Variants in MAPK10 observed in about 807,000 individuals in gnomAD.
MAPK10 encodes the protein JNK3 alpha protein kinase.
A neutral mutation model predicts 59.3 loss-of-function variants in MAPK10; 25 were observed. The observed-to-expected ratio is 0.42, with a 90% CI of 0.31 to 0.59. The LOEUF is 0.59. Among genes scored for constraint, MAPK10 ranks in the 20% least tolerant of loss-of-function variants. The pLI is 0.15. For missense variants in MAPK10, 351 were observed against 568.9 expected (o/e 0.62, Z 3.90); for synonymous variants, 190 against 200.5 (o/e 0.95, Z 0.44).
At chr4:86,337,655 A>C (rs1231436653) in intron 2 of MAPK10, among the ~76,000 whole-genome samples, 3 of 152,180 alleles carry the variant, frequency 2.0e-5, no homozygotes, top group African/African-American at 7.2e-5. Context: ...CTGGATCAAG[A>C]GCTGGAGTAG....
intron 1 of MAPK10, among the ~76,000 whole-genome samples, chr4:86,547,820 T>C (rs1759359620): frequency 6.6e-6 from 1 of 152,198 alleles, no homozygotes; most frequent in Admixed American, 6.5e-5. Context: ...CAGCACCCTG[T>C]GTCTAGCTCA....
At chr4:86,189,893 T>C (rs1480442019) in intron 3 of MAPK10, among the ~76,000 whole-genome samples, 1 of 152,178 alleles carries the variant, frequency 6.6e-6, no homozygotes, top group Non-Finnish European at 1.5e-5. Context: ...CTGTCATAAA[T>C]AGCTCTTATT....
chr4:86,184,965 T>C (rs2077826199), intron 3 of MAPK10, among the ~76,000 whole-genome samples: 1 of 152,162 alleles, frequency 6.6e-6, no homozygotes. Context: ...ACGATTCCAA[T>C]GGTGTGCTGG....
At chr4:86,096,895 CAG>C (rs1235538636) in intron 9 of MAPK10, among the ~76,000 whole-genome samples, 1 of 151,884 alleles carries the variant, frequency 6.6e-6, no homozygotes, top group African/African-American at 2.4e-5. Context: ...ATGGAGCAAA[CAG>C]AGATTCAAGA....
chr4:86,500,021 T>C (rs1409909533), intron 1 of MAPK10, among the ~76,000 whole-genome samples: 1 of 152,202 alleles, frequency 6.6e-6, no homozygotes, highest in Admixed American at 6.5e-5. Flanking sequence ...AAGCCTCTCT[T>C]AAGCCTTCCT....
At chr4:86,507,615 GATATATATATATATATATAT>G (rs767683551) in intron 1 of MAPK10, among the ~76,000 whole-genome samples, 378 of 35,648 alleles carry the variant, frequency 0.011, 11 homozygotes, top group African/African-American at 0.016. Context: ...ATAAACTGGA[GATATATATATATATATATAT>G]ATATATATAT....
At chr4:86,279,627 A>G (rs1450478968) in intron 2 of MAPK10, among the ~76,000 whole-genome samples, 1 of 152,200 alleles carries the variant, frequency 6.6e-6, no homozygotes, top group East Asian at 1.9e-4. Context: ...TCAGAAACAA[A>G]GTGGGACAGC....
At chr4:86,206,430 T>G (rs1172975785) in intron 2 of MAPK10, among the ~76,000 whole-genome samples, 1 of 152,092 alleles carries the variant, frequency 6.6e-6, no homozygotes, top group Non-Finnish European at 1.5e-5. Context: ...CACATTTTCT[T>G]AATCCAGTCT....
chr4:86,027,922 A>G (rs528778247), intron 13 of MAPK10: 8 of 152,366 alleles, frequency 5.3e-5, no homozygotes, highest in Middle Eastern at 3.4e-3. Context: ...AAATGAAGTA[A>G]TGATAACTTG....
intron 2 of MAPK10, among the ~76,000 whole-genome samples, chr4:86,207,792 T>G (rs2084548888): frequency 6.6e-6 from 1 of 152,166 alleles, no homozygotes; most frequent in Non-Finnish European, 1.5e-5. Context: ...CCTAGGTCTT[T>G]TATTCTCTTT....
At chr4:86,396,740 G>A (rs1742997752) in intron 1 of MAPK10, among the ~76,000 whole-genome samples, 1 of 152,110 alleles carries the variant, frequency 6.6e-6, no homozygotes, top group East Asian at 1.9e-4. Context: ...GGAGCAAGGG[G>A]TGGGGGGTGC....
intron 1 of MAPK10, among the ~76,000 whole-genome samples, chr4:86,479,041 T>A (rs1753356524): frequency 6.6e-6 from 1 of 152,072 alleles, no homozygotes; most frequent in African/African-American, 2.4e-5. Context: ...ATGCCCTGAG[T>A]CAGGAAACTA....
chr4:86,583,738 T>C (rs1351909215), intron 1 of MAPK10, among the ~76,000 whole-genome samples: 5 of 152,198 alleles, frequency 3.3e-5, no homozygotes, highest in East Asian at 3.9e-4. Context: ...CTCTGTTACT[T>C]GGGGCCAATA....
intron 1 of MAPK10, among the ~76,000 whole-genome samples, chr4:86,479,944 C>T (rs570205006): frequency 7.6e-4 from 115 of 152,120 alleles, no homozygotes; most frequent in East Asian, 7.7e-4. Context: ...TAATCCTGCT[C>T]GAAGCATCCC....
intron 1 of MAPK10, among the ~76,000 whole-genome samples, chr4:86,385,265 A>C (rs913118725): frequency 2.0e-5 from 3 of 152,172 alleles, no homozygotes; most frequent in African/African-American, 7.2e-5. Context: ...CTTGTTATTC[A>C]ACTATTTTAG....
At chr4:86,391,382 C>T (rs1291194125) in intron 1 of MAPK10, among the ~76,000 whole-genome samples, 1 of 152,136 alleles carries the variant, frequency 6.6e-6, no homozygotes, top group South Asian at 2.1e-4. Flanking sequence ...TGTGGTCATA[C>T]AAGTCAGAGT....
At chr4:86,339,053 T>C (rs1204103196) in intron 2 of MAPK10, among the ~76,000 whole-genome samples, 1 of 152,174 alleles carries the variant, frequency 6.6e-6, no homozygotes, top group African/African-American at 2.4e-5. Context: ...TCTGTTTGAC[T>C]TGAAAGCAGA....
At chr4:86,035,216 C>T (rs1397935236) in intron 11 of MAPK10, among the ~76,000 whole-genome samples, 1 of 151,318 alleles carries the variant, frequency 6.6e-6, no homozygotes, top group Non-Finnish European at 1.5e-5. Context: ...ACTAAAAATA[C>T]AAAAATTAGC....
intron 2 of MAPK10, among the ~76,000 whole-genome samples, chr4:86,350,046 TATC>T (rs1730370034): frequency 6.6e-6 from 1 of 152,008 alleles, no homozygotes; most frequent in African/African-American, 2.4e-5. Flanking sequence ...GAGTATGACA[TATC>T]ATTTTTTGTT....
Sources: gnomAD v4.1 joint callset for allele counts (sites outside exome capture counted in the v4.1 genomes callset) on GRCh38, gnomAD v4.1.1 for gene constraint, MANE v1.5 for transcripts, NCBI Gene and HGNC (gene_info 2026-07-23, HGNC 2026-07-21) for gene names.